The following FIG4 variants were observed in gnomAD, a reference collection of about 807,000 sequenced individuals.
FIG4 encodes the protein FIG4 phosphoinositide 5-phosphatase.
FIG4 carries 112 observed loss-of-function variants against 118.6 expected under a neutral mutation model. That is an observed-to-expected ratio of 0.94 (90% CI 0.81 to 1.11). The LOEUF (loss-of-function observed/expected upper bound fraction) is 1.11, where lower values mean the gene tolerates loss of function less well. Among genes scored for constraint, FIG4 ranks in the 50% least tolerant of loss-of-function variants. FIG4 has a pLI of 0.00. For missense variants in FIG4, 969 were observed against 1,111.7 expected (o/e 0.87, Z 1.83); for synonymous variants, 369 against 381.2 (o/e 0.97, Z 0.37).
At chr6:109,816,735 A>G (rs1212900427) in intron 22 of FIG4, among the ~76,000 whole-genome samples, 4 of 152,194 alleles carry the variant, frequency 2.6e-5, no homozygotes, top group African/African-American at 4.8e-5. Flanking sequence ...AGTGGTTCTA[A>G]AATTAAAAGT....
chr6:109,719,190 A>G (rs951271228), intron 3 of FIG4, among the ~76,000 whole-genome samples: 24 of 152,300 alleles, frequency 1.6e-4, no homozygotes, highest in African/African-American at 5.8e-4. Flanking sequence ...AAGTGCTGGG[A>G]TTGCAGATGT....
intron 3 of FIG4, among the ~76,000 whole-genome samples, chr6:109,723,023 A>AG (rs1775658919): frequency 6.6e-6 from 1 of 152,192 alleles, no homozygotes; most frequent in Non-Finnish European, 1.5e-5. Context: ...GCAGTGTGGA[A>AG]GGGGAGCAGG....
intron 22 of FIG4, among the ~76,000 whole-genome samples, chr6:109,812,912 T>G (rs1185944942): frequency 6.6e-6 from 1 of 152,200 alleles, no homozygotes; most frequent in Non-Finnish European, 1.5e-5. Context: ...GGTGAATAAC[T>G]GCAGGAGAGA....
At chr6:109,714,952 C>G in intron 1 of FIG4, 126 bp from the exon 2 acceptor site, 1 of 605,064 alleles carries the variant, frequency 1.7e-6, no homozygotes, top group South Asian at 2.1e-5. Context: ...TTATACATAA[C>G]AGAAATATTT....
chr6:109,773,308 A>G (rs1395648606), intron 15 of FIG4, among the ~76,000 whole-genome samples: 3 of 152,182 alleles, frequency 2.0e-5, no homozygotes, highest in African/African-American at 7.2e-5. Context: ...ACCATGTAGT[A>G]GAAAATATTC....
intron 11 of FIG4, among the ~76,000 whole-genome samples, chr6:109,760,651 T>A (rs1777077403): frequency 6.6e-6 from 1 of 152,244 alleles, no homozygotes; most frequent in Admixed American, 6.5e-5. Flanking sequence ...GTTTTGCTTT[T>A]TTCTATATCA....
intron 15 of FIG4, among the ~76,000 whole-genome samples, chr6:109,770,395 T>G (rs774214498): frequency 5.3e-5 from 8 of 152,170 alleles, no homozygotes; most frequent in Non-Finnish European, 8.8e-5. Flanking sequence ...TACACCCACA[T>G]GCGTGTGCAT....
At chr6:109,745,779 C>T (rs575482298) in intron 10 of FIG4, among the ~76,000 whole-genome samples, 4 of 152,032 alleles carry the variant, frequency 2.6e-5, no homozygotes, top group Admixed American at 6.6e-5. Flanking sequence ...TTGGGTCTTA[C>T]GTTTAAGTCT....
rs140695679 is a variant in FIG4 at position 109,762,314 on chromosome 6, G to T, written c.1388+107G>T. ...TGGAAATTGGATGAATTTAGTCCTGGGGGGAGGCACACTGCTCACATGACT... is the reference window on the plus strand; with the variant it reads ...TGGAAATTGGATGAATTTAGTCCTGTGGGGAGGCACACTGCTCACATGACT... On this transcript the variant is annotated intron_variant, in intron 12 of 22. Coordinates refer to ENST00000230124, the MANE Select transcript of FIG4 (RefSeq NM_014845.6). 3,885 of 740,374 alleles carry T rather than the reference G, an allele frequency of 5.2e-3. 23 individuals carry two copies. Among genetic ancestry groups the T allele is most frequent in the South Asian group, 9.7e-3 (679 of 70,166 alleles). 45.9% of individuals were successfully genotyped at this position (740,374 alleles called of 1,614,324 possible).
chr6:109,712,399 A>G (rs1276888520), intron 1 of FIG4, among the ~76,000 whole-genome samples: 2 of 152,218 alleles, frequency 1.3e-5, no homozygotes, highest in African/African-American at 2.4e-5. Flanking sequence ...TCGTAGAGTC[A>G]GTCTCTTTAC....
chr6:109,804,865 C>T (rs1778520329), intron 22 of FIG4, among the ~76,000 whole-genome samples: 1 of 152,110 alleles, frequency 6.6e-6, no homozygotes, highest in Admixed American at 6.6e-5. Flanking sequence ...ACTTTGAGTT[C>T]TTGAGAGCAA....
intron 10 of FIG4, among the ~76,000 whole-genome samples, chr6:109,747,829 A>G (rs1776551538): frequency 6.6e-6 from 1 of 152,136 alleles, no homozygotes; most frequent in Admixed American, 6.6e-5. Context: ...TCTATCACTT[A>G]GGCTGGAGTG....
chr6:109,701,531 C>T (rs1562635063), intron 1 of FIG4, among the ~76,000 whole-genome samples: 1 of 152,202 alleles, frequency 6.6e-6, no homozygotes, highest in Non-Finnish European at 1.5e-5. Flanking sequence ...GGTAGCTAAA[C>T]AGAACTAGGT....
At chr6:109,725,612 A>G (rs1238026735) in intron 3 of FIG4, among the ~76,000 whole-genome samples, 2 of 152,192 alleles carry the variant, frequency 1.3e-5, no homozygotes, top group Non-Finnish European at 2.9e-5. Context: ...TCCTTTGGGT[A>G]TATACCCAGT....
At chr6:109,793,749 T>C (rs886637177) in intron 21 of FIG4, among the ~76,000 whole-genome samples, 3 of 152,232 alleles carry the variant, frequency 2.0e-5, no homozygotes, top group African/African-American at 7.2e-5. Flanking sequence ...CAGCTTTTCA[T>C]TTCAATTAAT....
At chr6:109,769,395 C>A (rs1324243398) in intron 15 of FIG4, among the ~76,000 whole-genome samples, 1 of 151,922 alleles carries the variant, frequency 6.6e-6, no homozygotes, top group Non-Finnish European at 1.5e-5. Context: ...GAGGAACTAC[C>A]GTGAAAGGAA....
At position 109,702,146 on chromosome 6, in the gene FIG4, A is replaced by G. The variant is rs532433360; in HGVS notation, c.66+10645A>G. ...AAAGTTCAGGTGAAGTTTAACATGA[A>G]TTGAAGCTGTCATACAACCTAAAAT... On this transcript the variant is annotated intron_variant, in intron 1 of 22. Coordinates refer to ENST00000230124, the MANE Select transcript of FIG4 (RefSeq NM_014845.6). 7.9e-5 allele frequency among the ~76,000 whole-genome samples: 12 copies of G among 152,354 alleles called. No individual in the cohort carries two copies. In the South Asian group the frequency reaches 1.9e-3, roughly 24 times the overall value.
chr6:109,786,418 A>G lies in FIG4; in HGVS notation c.2065A>G (p.Thr689Ala). 6.2e-7 allele frequency: 1 copy of G among 1,613,984 alleles called. No individual in the cohort carries two copies. Among genetic ancestry groups the G allele is most frequent in the Non-Finnish European group, 8.5e-7 (1 of 1,179,858 alleles). The stretch of plus-strand genomic sequence containing the variant: ...ATATGAGTTGAGCAGCTTTGATGAT[A>G]CCTTTTGCTTGGCTATGACAAGCTC... Reference protein sequence around the residue: ...RPYELSSFDDTFCLAMTSSAR... With the variant: ...RPYELSSFDDAFCLAMTSSAR... Residue 689 changes from threonine (T) to alanine (A), a missense_variant, in exon 18 of 23, where the codon ACC becomes GCC. This residue lies in a region of FIG4 where 330 missense variants were observed against 348.1 expected (regional missense o/e 0.95). Transcript: ENST00000230124.
At chr6:109,772,512 A>G (rs1388501659) in intron 15 of FIG4, among the ~76,000 whole-genome samples, 1 of 152,102 alleles carries the variant, frequency 6.6e-6, no homozygotes, top group Admixed American at 6.5e-5. Flanking sequence ...ACTGGAGTGC[A>G]ATGGCGCAAT....
Sources: gnomAD v4.1 joint callset for allele counts (sites outside exome capture counted in the v4.1 genomes callset) on GRCh38, gnomAD v4.1.1 for gene constraint, gnomAD v4.1.1 regional missense constraint, MANE v1.5 for transcripts, NCBI Gene and HGNC (gene_info 2026-07-23, HGNC 2026-07-21) for gene names.